PCDHGA5: variants seen among roughly 807,000 people sequenced by gnomAD.
The protein encoded by PCDHGA5 is protocadherin gamma-A5.
A neutral mutation model predicts 56.7 loss-of-function variants in PCDHGA5; 36 were observed. That is an observed-to-expected ratio of 0.64 (90% confidence interval 0.49 to 0.84). The LOEUF is 0.84. PCDHGA5 is among the 40% of genes least tolerant of loss of function. The probability of loss-of-function intolerance (pLI) is 0.00; values close to 1 mark genes in which losing one functional copy is unlikely to be tolerated. For synonymous variants in PCDHGA5, 563 were observed against 520.2 expected, an observed-to-expected ratio of 1.08 and a Z score of -1.12; for missense variants, 1,305 against 1,201.5, an observed-to-expected ratio of 1.09 and a Z score of -1.27.
In PCDHGA5 at chr5:141,432,808, C is replaced by G. The variant is rs1473886709; in HGVS notation, c.2422-61999C>G. ...TCGGCAGCCTCGAGTCTCCAGCTAA[C>G]TCTGAAACCTCAGACCTCACTCTGT... is the stretch of plus-strand genomic sequence containing the variant. On this transcript the variant is annotated intron_variant, in intron 1 of 3. Coordinates refer to ENST00000518069, the MANE Select transcript of PCDHGA5 (RefSeq NM_018918.3). This position sits in a 1 kb window ranked among gnomAD's most constrained non-coding sequence, Gnocchi z 6.0. 2 of 1,613,486 alleles carry G rather than the reference C, an allele frequency of 1.2e-6. No individual in the cohort carries two copies. Among genetic ancestry groups the G allele is most frequent in the Non-Finnish European group, 1.7e-6 (2 of 1,180,008 alleles).
chr5:141,430,255 T>TC (rs11167746), intron 1 of PCDHGA5, among the ~76,000 whole-genome samples: 81,857 of 151,872 alleles, frequency 0.54, 24,107 homozygotes, highest in African/African-American at 0.79. Flanking sequence ...GGGAGACATC[T>TC]CCATAATAGG....
intron 2 of PCDHGA5, among the ~76,000 whole-genome samples, chr5:141,503,202 C>G (rs1562210201): frequency 6.6e-6 from 1 of 152,090 alleles, no homozygotes; most frequent in East Asian, 1.9e-4. Context: ...ATCAGCCTCT[C>G]AGTGCCCACC....
chr5:141,396,765 T>A (rs1446594255), intron 1 of PCDHGA5: 1 of 152,246 alleles, frequency 6.6e-6, no homozygotes, highest in Non-Finnish European at 1.5e-5. Flanking sequence ...CAATAAATGT[T>A]TGTTATTAAT....
At chr5:141,492,240 C>T (rs1031016944) in intron 1 of PCDHGA5, among the ~76,000 whole-genome samples, 1 of 152,242 alleles carries the variant, frequency 6.6e-6, no homozygotes, top group African/African-American at 2.4e-5. Flanking sequence ...CTGCTGGCCA[C>T]CCCCACGGCC....
chr5:141,476,920 A>G lies in PCDHGA5; in HGVS notation c.2422-17887A>G. The G allele has an allele frequency of 6.2e-7, 1 of 1,614,094 alleles. No individual in the cohort carries two copies. The highest frequency in any genetic ancestry group is 1.1e-5 in the South Asian group (1 of 91,088). On this transcript the variant is annotated intron_variant, in intron 1 of 3. Coordinates refer to ENST00000518069, the MANE Select transcript of PCDHGA5 (RefSeq NM_018918.3). This position sits in a 1 kb window ranked among gnomAD's most constrained non-coding sequence, Gnocchi z 7.6. ...GCACGCGCGTGGTACAAGTCCTTGC[A>G]ACGGATCTGGATGAAGGCCCCAACG...
chr5:141,406,732 G>A (rs1190275382), intron 1 of PCDHGA5, among the ~76,000 whole-genome samples: 1 of 152,142 alleles, frequency 6.6e-6, no homozygotes, highest in Non-Finnish European at 1.5e-5. Context: ...TCTAAGACTG[G>A]ACACTGTGAA....
At chr5:141,415,538 G>A in intron 1 of PCDHGA5, 1 of 1,614,182 alleles carries the variant, frequency 6.2e-7, no homozygotes, top group Non-Finnish European at 8.5e-7. Flanking sequence ...AGCCAGGAGA[G>A]CTGTGAGAAA....
chr5:141,374,117 G>C, intron 1 of PCDHGA5: 2 of 1,587,566 alleles, frequency 1.3e-6, no homozygotes, highest in Non-Finnish European at 1.7e-6. Context: ...GCAGCGCAGC[G>C]AGCAGGTCCT....
chr5:141,416,990 A>C (rs912916110), intron 1 of PCDHGA5: 20 of 151,946 alleles, frequency 1.3e-4, no homozygotes, highest in African/African-American at 4.1e-4. Flanking sequence ...ATTATTGTGC[A>C]TTCATCTCAA....
chr5:141,421,464 T>A lies in PCDHGA5; in HGVS notation c.2421+54713T>A, dbSNP rs773727821. ...GGAAGACACAGCTTTTCGCTGTGAA[T>A]CCGCGAAGCGGCAGCTTGATCACGG... On this transcript the variant is annotated intron_variant, in intron 1 of 3. Transcript: ENST00000518069. 17 of 1,613,972 alleles carry A rather than the reference T, an allele frequency of 1.1e-5. No individual in the cohort carries two copies. In the East Asian group the frequency reaches 3.6e-4, roughly 34 times the overall value.
chr5:141,413,984 C>T (rs898207454), intron 1 of PCDHGA5: 2 of 1,613,300 alleles, frequency 1.2e-6, no homozygotes, highest in African/African-American at 2.7e-5. Flanking sequence ...ACAGTCACAG[C>T]CACCGACAGG....
At chr5:141,409,640 G>A (rs1045286800) in intron 1 of PCDHGA5, 2 of 1,613,780 alleles carry the variant, frequency 1.2e-6, no homozygotes, top group African/African-American at 1.3e-5. Context: ...CTCTGACCCG[G>A]ATTTGGGGCT....
intron 1 of PCDHGA5, chr5:141,385,740 T>A: frequency 4.9e-6 from 1 of 202,756 alleles, no homozygotes; most frequent in Non-Finnish European, 8.9e-6. Context: ...ATTTCTTCCA[T>A]GTGAAGATTT....
chr5:141,419,842 C>A, intron 1 of PCDHGA5: 1 of 1,614,074 alleles, frequency 6.2e-7, no homozygotes, highest in South Asian at 1.1e-5. Flanking sequence ...CCACGCTGCA[C>A]CTGGTGTTCG....
chr5:141,414,040 C>T, intron 1 of PCDHGA5: 2 of 1,611,438 alleles, frequency 1.2e-6, no homozygotes, highest in Non-Finnish European at 1.7e-6. Context: ...CCGAAAATTA[C>T]CTGACACGCA....
At chr5:141,399,971 T>C in intron 1 of PCDHGA5, 1 of 1,612,208 alleles carries the variant, frequency 6.2e-7, no homozygotes, top group Non-Finnish European at 8.5e-7. Flanking sequence ...CTCTTCAGCC[T>C]GGGGCTGCGC....
chr5:141,415,203 G>C (rs2095843560), intron 1 of PCDHGA5: 24 of 1,614,032 alleles, frequency 1.5e-5, no homozygotes, highest in Non-Finnish European at 2.0e-5. Flanking sequence ...CCCAAGTCCT[G>C]GCGGACCTCG....
intron 1 of PCDHGA5, chr5:141,410,252 C>T (rs3749768): frequency 0.048 from 77,060 of 1,613,996 alleles, 2,017 homozygotes; most frequent in South Asian, 0.077. Flanking sequence ...ACTCTCTGAC[C>T]CCCAGGCTGA....
chr5:141,420,993 C>T (rs956578377), intron 1 of PCDHGA5: 2 of 501,412 alleles, frequency 4.0e-6, no homozygotes, highest in Non-Finnish European at 7.0e-6. Context: ...GGCGCCGCTG[C>T]TCACCAATCA....
Sources: gnomAD v4.1 joint callset for allele counts (sites outside exome capture counted in the v4.1 genomes callset) on GRCh38, gnomAD v4.1.1 for gene constraint, Gnocchi (gnomAD v3.1) non-coding constraint, MANE v1.5 for transcripts, NCBI Gene and HGNC (gene_info 2026-07-23, HGNC 2026-07-21) for gene names.